The following ITGB3BP variants were observed in gnomAD, a reference collection of about 807,000 sequenced individuals.
ITGB3BP encodes centromere protein R.
ITGB3BP carries 27 observed loss-of-function variants against 29.1 expected under a neutral mutation model. That is an observed-to-expected ratio of 0.93 (90% CI 0.68 to 1.28). The LOEUF (loss-of-function observed/expected upper bound fraction) is 1.28, where lower values mean the gene tolerates loss of function less well. Among genes scored for constraint, ITGB3BP ranks in the 50% most tolerant of loss-of-function variants. ITGB3BP has a pLI of 0.00. For synonymous variants in ITGB3BP, 61 were observed against 61.4 expected (o/e 0.99, Z 0.03); for missense variants, 192 against 200.2 (o/e 0.96, Z 0.25).
intron 2 of ITGB3BP, among the ~76,000 whole-genome samples, chr1:63,499,253 C>A (rs1265994492): frequency 1.3e-5 from 2 of 151,356 alleles, no homozygotes; most frequent in African/African-American, 4.9e-5. Flanking sequence ...CCTCCGTATC[C>A]CGGGTTCAAG....
At chr1:63,509,420 T>C (rs1318806163) in intron 1 of ITGB3BP, among the ~76,000 whole-genome samples, 1 of 152,144 alleles carries the variant, frequency 6.6e-6, no homozygotes, top group Non-Finnish European at 1.5e-5. Flanking sequence ...TCTTGAGAAA[T>C]AGAAATAGAA....
chr1:63,481,725 C>T (rs1645441092), intron 3 of ITGB3BP, among the ~76,000 whole-genome samples: 1 of 152,200 alleles, frequency 6.6e-6, no homozygotes, highest in Non-Finnish European at 1.5e-5. Flanking sequence ...CTTGGAAACA[C>T]AATCAATAGT....
At chr1:63,473,126 C>T (rs1294001346) in intron 4 of ITGB3BP, among the ~76,000 whole-genome samples, 6 of 151,770 alleles carry the variant, frequency 4.0e-5, no homozygotes, top group African/African-American at 9.7e-5. Context: ...TCTGCCCTGC[C>T]GCCCTGTCTG....
intron 4 of ITGB3BP, among the ~76,000 whole-genome samples, chr1:63,476,183 A>G (rs1251290196): frequency 6.7e-6 from 1 of 149,492 alleles, no homozygotes; most frequent in Non-Finnish European, 1.5e-5. Context: ...TTTTTTTTTG[A>G]GACAGAGTCT....
intron 2 of ITGB3BP, among the ~76,000 whole-genome samples, chr1:63,528,660 A>G (rs1035012892): frequency 3.9e-5 from 6 of 152,178 alleles, no homozygotes; most frequent in Non-Finnish European, 8.8e-5. Flanking sequence ...GTATCAAAAA[A>G]TCTCATATTA....
chr1:63,452,519 A>C (rs1455080269), intron 7 of ITGB3BP, among the ~76,000 whole-genome samples: 1 of 152,220 alleles, frequency 6.6e-6, no homozygotes, highest in Non-Finnish European at 1.5e-5. Context: ...AACAGACAAG[A>C]GGCCAGGCGT....
intron 4 of ITGB3BP, among the ~76,000 whole-genome samples, chr1:63,463,820 C>T (rs1645057638): frequency 6.6e-6 from 1 of 152,108 alleles, no homozygotes; most frequent in African/African-American, 2.4e-5. Flanking sequence ...GAACATGGAA[C>T]TGTATTTTCC....
At position 63,494,849 on chromosome 1, in the gene ITGB3BP, C is replaced by T. The variant is rs887811836; in HGVS notation, c.49-4631G>A. Among the ~76,000 whole-genome samples, 4 of 152,288 alleles carry T rather than the reference C, an allele frequency of 2.6e-5. No homozygotes were observed. In the East Asian group the frequency reaches 7.7e-4, roughly 29 times the overall value. On this transcript the variant is annotated intron_variant, in intron 2 of 8. Coordinates refer to ENST00000271002, the MANE Select transcript of ITGB3BP (RefSeq NM_014288.5). ...ACAAAGTCTTTCTCTGTCGCCTAGA[C>T]TGAAGTGCAGTGGCACTATCACAGC...
At chr1:63,442,056 T>C (rs753715457) in intron 8 of ITGB3BP, among the ~76,000 whole-genome samples, 3 of 152,154 alleles carry the variant, frequency 2.0e-5, no homozygotes, top group Non-Finnish European at 2.9e-5. Context: ...ACCATTGCAG[T>C]CCAGCCAGGG....
intron 2 of ITGB3BP, among the ~76,000 whole-genome samples, chr1:63,501,919 T>C (rs921839725): frequency 1.3e-5 from 2 of 151,558 alleles, no homozygotes; most frequent in African/African-American, 4.8e-5. Context: ...ACTGGATATC[T>C]ATATATAAAT....
chr1:63,447,469 T>C (rs1644803409), intron 7 of ITGB3BP: 2 of 433,398 alleles, frequency 4.6e-6, no homozygotes, highest in Non-Finnish European at 9.2e-6. Context: ...GAAAGAGTCC[T>C]GTAACCAGGC....
At chr1:63,468,730 G>A (rs979034998) in intron 4 of ITGB3BP, among the ~76,000 whole-genome samples, 1 of 151,942 alleles carries the variant, frequency 6.6e-6, no homozygotes, top group Non-Finnish European at 1.5e-5. Flanking sequence ...GCGTGGTTGC[G>A]CATGCCTGTA....
chr1:63,446,651 A>C, intron 8 of ITGB3BP, 155 bp downstream of exon 8: 1 of 622,476 alleles, frequency 1.6e-6, no homozygotes, highest in Non-Finnish European at 2.9e-6. Context: ...ATAAGACTAG[A>C]TTAATATAAG....
chr1:63,468,522 T>C (rs939077021), intron 4 of ITGB3BP, among the ~76,000 whole-genome samples: 3 of 151,384 alleles, frequency 2.0e-5, no homozygotes, highest in East Asian at 1.9e-4. Flanking sequence ...GGTCAAGATA[T>C]CAAGACTATC....
intron 1 of ITGB3BP, among the ~76,000 whole-genome samples, chr1:63,513,142 C>A (rs1387773355): frequency 6.6e-6 from 1 of 152,100 alleles, no homozygotes; most frequent in African/African-American, 2.4e-5. Context: ...ATATTATCTT[C>A]CAGTTTTCTC....
intron 7 of ITGB3BP, among the ~76,000 whole-genome samples, chr1:63,452,681 C>A (rs1051054041): frequency 6.6e-6 from 1 of 151,638 alleles, no homozygotes; most frequent in Non-Finnish European, 1.5e-5. Context: ...GAAAAAGCCA[C>A]CTTTCATGTT....
intron 7 of ITGB3BP, among the ~76,000 whole-genome samples, chr1:63,448,139 T>C (rs1429593467): frequency 8.3e-6 from 1 of 120,672 alleles, no homozygotes; most frequent in Non-Finnish European, 1.6e-5. Context: ...TGAGAACACA[T>C]GGACACAGGA....
chr1:63,502,323 G>A (rs960795187), intron 2 of ITGB3BP, among the ~76,000 whole-genome samples: 13 of 152,086 alleles, frequency 8.5e-5, no homozygotes, highest in Non-Finnish European at 1.8e-4. Context: ...TATACATCCC[G>A]TATATTATAG....
chr1:63,448,964 G>C (rs1320449171), intron 7 of ITGB3BP, among the ~76,000 whole-genome samples: 1 of 152,154 alleles, frequency 6.6e-6, no homozygotes, highest in African/African-American at 2.4e-5. Flanking sequence ...ATGTGTATGA[G>C]TCAGTGATAG....
Sources: allele counts gnomAD v4.1 joint callset (sites outside exome capture counted in the v4.1 genomes callset), GRCh38; gene constraint gnomAD v4.1.1; transcripts MANE v1.5; gene names NCBI Gene and HGNC (gene_info 2026-07-23, HGNC 2026-07-21).